NPAS3: variants seen among roughly 807,000 people sequenced by gnomAD.
The protein encoded by NPAS3 is neuronal PAS domain protein 3, also known as neuronal PAS domain-containing protein 3.
A neutral mutation model predicts 73.1 loss-of-function variants in NPAS3; 14 were observed. The observed-to-expected ratio is 0.19, with a 90% CI of 0.13 to 0.30. NPAS3 has a LOEUF of 0.30. Among genes scored for constraint, NPAS3 ranks in the 10% least tolerant of loss-of-function variants. The pLI, the probability that NPAS3 is intolerant of heterozygous loss-of-function variation, is 1.00. For synonymous variants in NPAS3, 620 were observed against 541.5 expected (o/e 1.14, Z -2.01); for missense variants, 1,096 against 1,250.0 (o/e 0.88, Z 1.86).
chr14:33,769,888 C>G (rs1347101977), intron 7 of NPAS3, among the ~76,000 whole-genome samples: 1 of 150,912 alleles, frequency 6.6e-6, no homozygotes, highest in Non-Finnish European at 1.5e-5. Context: ...CCTCAGCCTC[C>G]AAGTAGCTGG....
intron 1 of NPAS3, among the ~76,000 whole-genome samples, chr14:33,013,178 A>C (rs1157427860): frequency 6.6e-6 from 1 of 152,210 alleles, no homozygotes; most frequent in African/African-American, 2.4e-5. Context: ...ATCAGAGTAG[A>C]TGGTTTCATC....
At chr14:33,025,840 G>T (rs544636668) in intron 1 of NPAS3, among the ~76,000 whole-genome samples, 84 of 152,202 alleles carry the variant, frequency 5.5e-4, no homozygotes, top group Middle Eastern at 3.4e-3. Context: ...AGTCTGTATA[G>T]TTCACAGAAC....
intron 5 of NPAS3, among the ~76,000 whole-genome samples, chr14:33,661,727 G>C (rs1165294082): frequency 6.6e-6 from 1 of 152,024 alleles, no homozygotes; most frequent in East Asian, 1.9e-4. Flanking sequence ...GCTTTGAAAA[G>C]GAGATATGTC....
chr14:33,155,249 G>T (rs1002593925), intron 2 of NPAS3, among the ~76,000 whole-genome samples: 1 of 152,172 alleles, frequency 6.6e-6, no homozygotes, highest in Non-Finnish European at 1.5e-5. Context: ...AAGCTTTTGT[G>T]TTGATGGGAG....
intron 3 of NPAS3, among the ~76,000 whole-genome samples, chr14:33,333,879 A>G (rs1312085863): frequency 6.6e-6 from 1 of 152,140 alleles, no homozygotes; most frequent in Non-Finnish European, 1.5e-5. Flanking sequence ...TAAGTAAAGG[A>G]GTTTTGAAGG....
At chr14:33,659,058 C>T (rs1421701770) in intron 5 of NPAS3, among the ~76,000 whole-genome samples, 2 of 152,188 alleles carry the variant, frequency 1.3e-5, no homozygotes, top group Non-Finnish European at 2.9e-5. Context: ...CACTTACTTG[C>T]TCATTCGTTC....
chr14:32,984,042 G>T (rs967812964), intron 1 of NPAS3, among the ~76,000 whole-genome samples: 1 of 152,140 alleles, frequency 6.6e-6, no homozygotes, highest in African/African-American at 2.4e-5. Context: ...ATTAAGTATT[G>T]TACAGAAAAA....
At chr14:33,379,749 A>G (rs1322992334) in intron 4 of NPAS3, among the ~76,000 whole-genome samples, 1 of 152,182 alleles carries the variant, frequency 6.6e-6, no homozygotes, top group African/African-American at 2.4e-5. Flanking sequence ...GATTGCAGAC[A>G]CCAATGAGAT....
At chr14:33,621,757 G>A (rs1316609661) in intron 5 of NPAS3, among the ~76,000 whole-genome samples, 1 of 151,688 alleles carries the variant, frequency 6.6e-6, no homozygotes, top group Non-Finnish European at 1.5e-5. Flanking sequence ...AACTACAAGG[G>A]GTAAAAAAAT....
intron 4 of NPAS3, among the ~76,000 whole-genome samples, chr14:33,549,070 G>A (rs1566993396): frequency 7.1e-6 from 1 of 141,458 alleles, no homozygotes; most frequent in African/African-American, 2.4e-5. Context: ...AAAATATATA[G>A]AACAAATCTG....
chr14:33,437,586 G>C (rs1397954952), intron 4 of NPAS3, among the ~76,000 whole-genome samples: 1 of 152,054 alleles, frequency 6.6e-6, no homozygotes, highest in Non-Finnish European at 1.5e-5. Context: ...GTCCTTTACT[G>C]GAATAAATAG....
At chr14:33,641,927 C>A (rs537601952) in intron 5 of NPAS3, among the ~76,000 whole-genome samples, 1 of 151,898 alleles carries the variant, frequency 6.6e-6, no homozygotes, top group South Asian at 2.1e-4. Flanking sequence ...AGTTTTTTAC[C>A]CCAAGTAAAT....
intron 2 of NPAS3, among the ~76,000 whole-genome samples, chr14:33,135,722 A>ATTT: frequency 1.3e-5 from 2 of 152,304 alleles, no homozygotes; most frequent in Admixed American, 1.3e-4. Flanking sequence ...TCTGAAGAAG[A>ATTT]AAAAAGGGAA....
chr14:33,356,966 G>A, intron 3 of NPAS3, among the ~76,000 whole-genome samples: 1 of 152,200 alleles, frequency 6.6e-6, no homozygotes, highest in Non-Finnish European at 1.5e-5. Flanking sequence ...AGGTCAGACA[G>A]TCTTGTAAGC....
chr14:33,479,493 T>C (rs2051206494), intron 4 of NPAS3, among the ~76,000 whole-genome samples: 1 of 152,152 alleles, frequency 6.6e-6, no homozygotes, highest in Non-Finnish European at 1.5e-5. Context: ...GCAAATGTTA[T>C]AGATGACAAT....
chr14:33,454,015 G>A (rs2049917115), intron 4 of NPAS3, among the ~76,000 whole-genome samples: 1 of 152,078 alleles, frequency 6.6e-6, no homozygotes, highest in Non-Finnish European at 1.5e-5. Context: ...TTTAAATTAA[G>A]CAACAACGAA....
chr14:33,422,488 C>A (rs2048395547), intron 4 of NPAS3, among the ~76,000 whole-genome samples: 1 of 151,984 alleles, frequency 6.6e-6, no homozygotes. Context: ...ACCAATTATA[C>A]CTTCTGTCCC....
chr14:33,586,525 AG>A (rs1174832051), intron 5 of NPAS3, among the ~76,000 whole-genome samples: 27 of 152,318 alleles, frequency 1.8e-4, no homozygotes, highest in African/African-American at 4.8e-4. Context: ...ATTTCTAATT[AG>A]TTACATGTAA....
intron 3 of NPAS3, among the ~76,000 whole-genome samples, chr14:33,247,415 T>C (rs1269617098): frequency 6.6e-6 from 1 of 152,228 alleles, no homozygotes; most frequent in African/African-American, 2.4e-5. Flanking sequence ...TATTCAGAAT[T>C]GCCTTTTTCC....
Sources: gnomAD v4.1 joint callset for allele counts (sites outside exome capture counted in the v4.1 genomes callset) on GRCh38, gnomAD v4.1.1 for gene constraint, MANE v1.5 for transcripts, NCBI Gene and HGNC (gene_info 2026-07-23, HGNC 2026-07-21) for gene names.